Variants in TMCO4 observed in about 807,000 individuals in gnomAD.
TMCO4 encodes transmembrane and coiled-coil domain-containing protein 4.
TMCO4 carries 58 observed loss-of-function variants against 64.7 expected under a neutral mutation model. The observed-to-expected ratio is 0.90, with a 90% CI of 0.73 to 1.12. The LOEUF is 1.12. Among genes scored for constraint, TMCO4 ranks in the 50% most tolerant of loss-of-function variants. The pLI is 0.00. For missense variants in TMCO4, 780 were observed against 825.9 expected (o/e 0.94, Z 0.68); for synonymous variants, 325 against 346.1 (o/e 0.94, Z 0.68).
intron 6 of TMCO4, among the ~76,000 whole-genome samples, chr1:19,756,884 A>G (rs1425896511): frequency 6.6e-6 from 1 of 152,222 alleles, no homozygotes; most frequent in Non-Finnish European, 1.5e-5. Flanking sequence ...ATAAATAAAG[A>G]AAAAAGGGAA....
intron 5 of TMCO4, 46 bp downstream of exon 5, chr1:19,771,262 A>G (rs1264950313): frequency 6.4e-7 from 1 of 1,568,540 alleles, no homozygotes. Flanking sequence ...AAAGAAAATG[A>G]TTTGTTCTAC....
intron 10 of TMCO4, 83 bp downstream of exon 10, chr1:19,745,449 A>G (rs1557553890): frequency 6.3e-7 from 1 of 1,590,372 alleles, no homozygotes; most frequent in East Asian, 2.2e-5. Context: ...CCTGCTCCCT[A>G]GTGCAGGTAA....
intron 13 of TMCO4, among the ~76,000 whole-genome samples, chr1:19,730,816 T>C (rs1332086943): frequency 1.3e-5 from 2 of 152,346 alleles, no homozygotes; most frequent in East Asian, 3.9e-4. Context: ...GATTATGTGC[T>C]CTGGGTGACT....
intron 15 of TMCO4, 25 bp downstream of exon 15, chr1:19,694,409 C>T: frequency 6.2e-7 from 1 of 1,604,220 alleles, no homozygotes; most frequent in Non-Finnish European, 8.5e-7. Flanking sequence ...ACGCAAAGCC[C>T]CAGGAGGAAC....
intron 4 of TMCO4, among the ~76,000 whole-genome samples, chr1:19,777,750 T>C (rs146730481): frequency 6.6e-6 from 1 of 152,340 alleles, no homozygotes; most frequent in East Asian, 1.9e-4. Flanking sequence ...TAGTACTGTG[T>C]TCTATTACTT....
At chr1:19,704,539 G>A (rs1291395921) in intron 13 of TMCO4, among the ~76,000 whole-genome samples, 4 of 152,188 alleles carry the variant, frequency 2.6e-5, no homozygotes, top group East Asian at 1.9e-4. Flanking sequence ...GATCATATGC[G>A]GGTTATCGTT....
chr1:19,702,835 A>T (rs1305025250), intron 13 of TMCO4, among the ~76,000 whole-genome samples: 7 of 152,202 alleles, frequency 4.6e-5, no homozygotes, highest in Non-Finnish European at 1.0e-4. Flanking sequence ...AGAAGCCAAC[A>T]TGTCTTTTAA....
rs199977255 is a variant in TMCO4, at chr1:19,694,529, C to G, written c.1405G>C (p.Val469Leu). The G allele has an allele frequency of 3.1e-6, 5 of 1,613,964 alleles. No homozygotes were observed. Among genetic ancestry groups the G allele is most frequent in the Non-Finnish European group, 3.4e-6 (4 of 1,179,882 alleles). ...YCRGDWLLSF[V>L]YRTSSVQLRV... Reference sequence around the variant, plus strand: ...AGCTGCACCGAGGATGTGCGGTACACGAAACTCAGCAGCCAGTCTCCCCTG... The same window carrying G: ...AGCTGCACCGAGGATGTGCGGTACAGGAAACTCAGCAGCCAGTCTCCCCTG... Residue 469 changes from valine to leucine, a missense_variant, in exon 15 of 16, where the codon GTG (valine) becomes CTG (leucine). Coordinates refer to ENST00000294543, the MANE Select transcript of TMCO4 (RefSeq NM_181719.7).
chr1:19,705,717 G>C (rs1268697353), intron 13 of TMCO4, among the ~76,000 whole-genome samples: 2 of 151,892 alleles, frequency 1.3e-5, no homozygotes, highest in African/African-American at 2.4e-5. Flanking sequence ...TTCCTAGAAC[G>C]GGATGGTGTA....
chr1:19,709,442 G>A (rs1455311111), intron 13 of TMCO4, among the ~76,000 whole-genome samples: 2 of 151,204 alleles, frequency 1.3e-5, no homozygotes, highest in Non-Finnish European at 1.5e-5. Context: ...CAAATGTAAT[G>A]TCTGCTGTCT....
rs528355596 is a variant in TMCO4, at chr1:19,737,450, G to A, written c.1186C>T (p.Arg396Ter). ...CTGAAGCCAATCAAGGTGACAGGTC[G>A]TCGCCCCTGAAGGGAAAAAGGACAC... ...HILLSRQQGR[R>*]PVTLIGFSLG... is the part of the protein sequence containing the mutation. Residue 396 changes from arginine to a stop codon, truncating the protein, a stop_gained, in exon 13 of 16, where the codon CGA (arginine) becomes TGA (stop). Transcript: ENST00000294543. LOFTEE classifies it high-confidence loss of function. 68 of 1,613,962 alleles carry A rather than the reference G, an allele frequency of 4.2e-5. No homozygotes were observed. The highest frequency in any genetic ancestry group is 5.3e-5 in the African/African-American group (4 of 75,028).
At chr1:19,703,777 AC>A (rs1483079076) in intron 13 of TMCO4, among the ~76,000 whole-genome samples, 3 of 151,438 alleles carry the variant, frequency 2.0e-5, no homozygotes, top group African/African-American at 7.3e-5. Flanking sequence ...CAAACTCCCG[AC>A]CTCAGGTGAT....
intron 13 of TMCO4, among the ~76,000 whole-genome samples, chr1:19,731,779 C>T (rs2100793468): frequency 6.6e-6 from 1 of 152,314 alleles, no homozygotes; most frequent in South Asian, 2.1e-4. Context: ...CTCTGGTCCC[C>T]ACCAGCTTCC....
At chr1:19,704,704 A>C (rs1458095834) in intron 13 of TMCO4, among the ~76,000 whole-genome samples, 1 of 152,194 alleles carries the variant, frequency 6.6e-6, no homozygotes, top group East Asian at 1.9e-4. Flanking sequence ...GGCTGCCTGC[A>C]GGGCTGGGAC....
intron 13 of TMCO4, among the ~76,000 whole-genome samples, chr1:19,722,485 A>T (rs927115692): frequency 4.6e-5 from 7 of 152,240 alleles, no homozygotes; most frequent in Non-Finnish European, 1.0e-4. Flanking sequence ...CGTTTGATCT[A>T]CATTAATAAT....
chr1:19,792,468 T>A (rs753303683), intron 2 of TMCO4, among the ~76,000 whole-genome samples: 4 of 152,242 alleles, frequency 2.6e-5, no homozygotes, highest in Non-Finnish European at 4.4e-5. Flanking sequence ...TCCATAAATA[T>A]CTGACCTCAG....
chr1:19,791,333 TTA>T (rs2044024432), intron 2 of TMCO4, among the ~76,000 whole-genome samples: 4 of 140,672 alleles, frequency 2.8e-5, no homozygotes, highest in African/African-American at 1.2e-4. Context: ...AAAATTAAAA[TTA>T]AAAAAAAAAA....
At chr1:19,786,237 C>T (rs1040707621) in intron 3 of TMCO4, among the ~76,000 whole-genome samples, 1 of 152,122 alleles carries the variant, frequency 6.6e-6, no homozygotes, top group African/African-American at 2.4e-5. Flanking sequence ...AGCCTGGTGA[C>T]AGAGCAAGAC....
intron 13 of TMCO4, among the ~76,000 whole-genome samples, chr1:19,720,100 T>C (rs2095375673): frequency 6.8e-6 from 1 of 148,064 alleles, no homozygotes; most frequent in Non-Finnish European, 1.5e-5. Context: ...CCTCCTGCCT[T>C]GGCCTCCCAA....
Sources: gnomAD v4.1 joint callset for allele counts (sites outside exome capture counted in the v4.1 genomes callset) on GRCh38, gnomAD v4.1.1 for gene constraint, MANE v1.5 for transcripts, NCBI Gene and HGNC (gene_info 2026-07-23, HGNC 2026-07-21) for gene names.